MAMLD1: variants seen among roughly 807,000 people sequenced by gnomAD.
The protein encoded by MAMLD1 is mastermind-like domain-containing protein 1.
MAMLD1 carries 14 observed loss-of-function variants against 45.0 expected under a neutral mutation model. That is an observed-to-expected ratio of 0.31 (90% CI 0.21 to 0.49). The LOEUF (loss-of-function observed/expected upper bound fraction) is 0.49. Among genes scored for constraint, MAMLD1 ranks in the 20% least tolerant of loss-of-function variants. MAMLD1 has a pLI of 0.99. For missense variants in MAMLD1, 543 were observed against 603.6 expected (o/e 0.90, Z 1.05); for synonymous variants, 254 against 247.8 (o/e 1.02, Z -0.24).
intron 2 of MAMLD1, among the ~76,000 whole-genome samples, chrX:150,447,079 G>T (rs2035513787): frequency 8.9e-6 from 1 of 112,337 alleles, no homozygotes; most frequent in African/African-American, 3.2e-5. Flanking sequence ...TCCAGTGGGG[G>T]TTGTCCTTAG....
chrX:150,450,825 A>G (rs1344318502), intron 2 of MAMLD1, among the ~76,000 whole-genome samples: 1 of 112,459 alleles, frequency 8.9e-6, no homozygotes, highest in Non-Finnish European at 1.9e-5. Context: ...TCTGTAATGT[A>G]GCTGTGAGCA....
chrX:150,363,150 C>T (rs924799941), upstream of MAMLD1: 1 of 112,682 alleles, frequency 8.9e-6, no homozygotes, highest in East Asian at 2.8e-4. Context: ...CCTTTAAGGC[C>T]GGAGCCGCTC....
intron 5 of MAMLD1, among the ~76,000 whole-genome samples, chrX:150,495,144 T>A (rs2037335070): frequency 9.0e-6 from 1 of 111,542 alleles, no homozygotes. Context: ...AGGTGAAGGT[T>A]GTGGTGAGCT....
intron 1 of MAMLD1, among the ~76,000 whole-genome samples, chrX:150,388,928 T>G (rs1465865983): frequency 2.7e-5 from 3 of 112,432 alleles, no homozygotes; most frequent in Non-Finnish European, 3.8e-5. Context: ...ACATATTAAT[T>G]TGATACCTTT....
rs944774849 is a variant in MAMLD1, at chrX:150,364,047, C to G, written c.-64+517C>G. On this transcript the variant is annotated intron_variant, in intron 1 of 7. Coordinates refer to ENST00000370401, the MANE Select transcript of MAMLD1 (RefSeq NM_005491.5). Reference sequence around the variant, plus strand: ...TGAGCGAGAGTGTGGAGTGTGCGCGCCGAATCCGCTGCCCTGCACTCCCTC... The same window carrying G: ...TGAGCGAGAGTGTGGAGTGTGCGCGGCGAATCCGCTGCCCTGCACTCCCTC... Among the ~76,000 whole-genome samples, 24 of 113,043 alleles carry G rather than the reference C, an allele frequency of 2.1e-4. No individual in the cohort carries two copies. In the East Asian group the frequency reaches 6.8e-3, roughly 32 times the overall value.
chrX:150,511,769 T>C lies in MAMLD1; in HGVS notation c.*45-235T>C, dbSNP rs181841831. On this transcript the variant is annotated intron_variant, in intron 7 of 7. Coordinates refer to ENST00000370401, the MANE Select transcript of MAMLD1 (RefSeq NM_005491.5). ...CATTTCAGTCCAGTGTGATCTGCTC[T>C]TGGTGAGCACAGACCTAGGGAGTTG... Among the ~76,000 whole-genome samples the C allele has an allele frequency of 1.2e-3, 138 of 112,242 alleles. 1 individual carries two copies. The highest frequency in any genetic ancestry group is 3.8e-4 in the Non-Finnish European group (20 of 53,171).
chrX:150,379,124 T>C (rs1053385785), intron 1 of MAMLD1, among the ~76,000 whole-genome samples: 9 of 111,807 alleles, frequency 8.0e-5, no homozygotes, highest in African/African-American at 2.6e-4. Flanking sequence ...TATCTATCTA[T>C]CTACCTGCCT....
At chrX:150,509,845 G>T in intron 6 of MAMLD1, 117 bp from the exon 7 acceptor site, 1 of 582,750 alleles carries the variant, frequency 1.7e-6, no homozygotes. Flanking sequence ...ATGCTGGTGT[G>T]TTTATTCATG....
intron 1 of MAMLD1, among the ~76,000 whole-genome samples, chrX:150,365,116 C>T (rs1339905337): frequency 2.8e-5 from 3 of 109,034 alleles, no homozygotes; most frequent in African/African-American, 1.0e-4. Context: ...CTCCCACCCC[C>T]GCCGCCGCCG....
At chrX:150,457,954 A>G (rs1385191113) in intron 2 of MAMLD1, among the ~76,000 whole-genome samples, 1 of 111,563 alleles carries the variant, frequency 9.0e-6, no homozygotes, top group Non-Finnish European at 1.9e-5. Flanking sequence ...TTTTACCTCA[A>G]TTTAAAAAGA....
rs782802276 is a variant in MAMLD1 at position 150,504,338 on chromosome X, T to C, written c.2284+821T>C. 128 of 747,372 alleles carry C rather than the reference T, an allele frequency of 1.7e-4. No homozygotes were observed. In the Middle Eastern group the frequency reaches 2.3e-3, roughly 13 times the overall value. The allele number at this position is 747,372 out of a possible 1,213,427, so 61.6% of individuals were successfully genotyped here. A position where few individuals can be genotyped will look rare whatever the true frequency, so the allele number is the denominator to read the frequency against. On this transcript the variant is annotated intron_variant, in intron 6 of 7. Coordinates refer to ENST00000370401, the MANE Select transcript of MAMLD1 (RefSeq NM_005491.5). ...ACTGGAGACATGAACATTTTCTAAG[T>C]GATAGTGATCAGAAGATGGTCATTA...
At chrX:150,437,072 C>T (rs1557404315) in intron 1 of MAMLD1, among the ~76,000 whole-genome samples, 1 of 110,995 alleles carries the variant, frequency 9.0e-6, no homozygotes, top group Non-Finnish European at 1.9e-5. Flanking sequence ...TTCTCTGGCC[C>T]TTCAAGGTTA....
At chrX:150,414,158 A>C (rs2124539117) in intron 1 of MAMLD1, among the ~76,000 whole-genome samples, 1 of 110,305 alleles carries the variant, frequency 9.1e-6, no homozygotes, top group South Asian at 4.0e-4. Flanking sequence ...CCCTGGAAAA[A>C]TTCAGGAACA....
At chrX:150,365,882 T>C (rs1408694576) in intron 1 of MAMLD1, among the ~76,000 whole-genome samples, 2 of 112,648 alleles carry the variant, frequency 1.8e-5, no homozygotes, top group African/African-American at 6.4e-5. Context: ...CAGCTTTAGT[T>C]AGATTGACCA....
At chrX:150,399,747 C>A (rs1603237230) in intron 1 of MAMLD1, among the ~76,000 whole-genome samples, 1 of 111,855 alleles carries the variant, frequency 8.9e-6, no homozygotes, top group Non-Finnish European at 1.9e-5. Context: ...ATCAGCCCTG[C>A]TAACATCTGG....
At chrX:150,502,627 C>T (rs1157270663) in intron 5 of MAMLD1, among the ~76,000 whole-genome samples, 1 of 112,424 alleles carries the variant, frequency 8.9e-6, no homozygotes, top group African/African-American at 3.2e-5. Context: ...GTCCCACCCA[C>T]ACACAAGTCC....
At chrX:150,404,621 A>C (rs2033953054) in intron 1 of MAMLD1, among the ~76,000 whole-genome samples, 1 of 111,637 alleles carries the variant, frequency 9.0e-6, no homozygotes, top group Admixed American at 9.5e-5. Flanking sequence ...CCATCACCCC[A>C]GTCAAGATGA....
At chrX:150,503,610 G>C in intron 6 of MAMLD1, 93 bp downstream of exon 6, 1 of 571,552 alleles carries the variant, frequency 1.7e-6, no homozygotes, top group Non-Finnish European at 3.0e-6. Flanking sequence ...AGGGTTGTTG[G>C]GAGGAACACA....
intron 1 of MAMLD1, among the ~76,000 whole-genome samples, chrX:150,416,530 C>A (rs1336001664): frequency 8.9e-6 from 1 of 111,867 alleles, no homozygotes; most frequent in Non-Finnish European, 1.9e-5. Context: ...AACAGAATGG[C>A]TGCCTATAAA....
Sources: allele counts gnomAD v4.1 joint callset (sites outside exome capture counted in the v4.1 genomes callset), GRCh38; gene constraint gnomAD v4.1.1; transcripts MANE v1.5; gene names NCBI Gene and HGNC (gene_info 2026-07-23, HGNC 2026-07-21).